The following ITGA4 variants were observed in gnomAD, a reference collection of about 807,000 sequenced individuals.
ITGA4 encodes the protein integrin alpha-4.
In ITGA4, 63 loss-of-function variants were observed where a neutral mutation model predicts 133.6. The observed-to-expected ratio is 0.47, with a 90% CI of 0.38 to 0.58. The LOEUF (loss-of-function observed/expected upper bound fraction) is 0.58, where lower values mean the gene tolerates loss of function less well. ITGA4 is among the 20% of genes least tolerant of loss of function. The pLI, the probability that ITGA4 is intolerant of heterozygous loss-of-function variation, is 0.00. For synonymous variants in ITGA4, 483 were observed against 438.0 expected (o/e 1.10, Z -1.28); for missense variants, 1,076 against 1,252.7 (o/e 0.86, Z 2.13).
intron 1 of ITGA4, 126 bp from the exon 2 acceptor site, chr2:181,458,070 C>T: frequency 6.1e-6 from 8 of 1,315,364 alleles, no homozygotes; most frequent in Non-Finnish European, 8.5e-6. Context: ...AGCTTCGAGT[C>T]GGGGGTGGTG....
intron 17 of ITGA4, among the ~76,000 whole-genome samples, chr2:181,513,941 C>T (rs559741232): frequency 6.6e-6 from 1 of 152,248 alleles, no homozygotes; most frequent in South Asian, 2.1e-4. Flanking sequence ...CTGGAAGCTG[C>T]TGCAAAGCAG....
At chr2:181,511,021 C>T (rs1386987781) in intron 16 of ITGA4, among the ~76,000 whole-genome samples, 4 of 151,958 alleles carry the variant, frequency 2.6e-5, no homozygotes, top group Non-Finnish European at 5.9e-5. Context: ...GAGCCTGGCT[C>T]CTTCTGACTT....
At chr2:181,483,402 G>T (rs1685848451) in intron 9 of ITGA4, among the ~76,000 whole-genome samples, 1 of 147,442 alleles carries the variant, frequency 6.8e-6, no homozygotes, top group South Asian at 2.1e-4. Flanking sequence ...GAAAACAAGA[G>T]TGGGCTTGTG....
chr2:181,494,517 A>T (rs1686121106), intron 11 of ITGA4, among the ~76,000 whole-genome samples: 2 of 152,172 alleles, frequency 1.3e-5, no homozygotes, highest in Non-Finnish European at 2.9e-5. Context: ...CGCAAAGTAA[A>T]TTTTTTTAGT....
rs1404906722 is a variant in ITGA4, at chr2:181,537,756, ATTGAT to A, written c.*2230_*2234del. The A allele has an allele frequency of 2.2e-6, 1 of 446,942 alleles. No homozygotes were observed. The highest frequency in any genetic ancestry group is 1.6e-5 in the South Asian group (1 of 62,678). The allele number at this position is 446,942 out of a possible 1,614,324, so 27.7% of individuals were successfully genotyped here. Reference sequence around the variant, plus strand: ...ACACATTGTAAAAAAAAGAATTTGAATTGATATCTAAAAACAGAATTTGAATTGAT... The same window carrying A: ...ACACATTGTAAAAAAAAGAATTTGAAATCTAAAAACAGAATTTGAATTGAT... On this transcript the variant is annotated 3_prime_UTR_variant, in exon 28 of 28. Coordinates refer to ENST00000397033, the MANE Select transcript of ITGA4 (RefSeq NM_000885.6).
At position 181,482,470 on chromosome 2, in the gene ITGA4, C is replaced by T. The variant is rs750716999; in HGVS notation, c.904-44C>T. Reference sequence around the variant, plus strand: ...ATCTCTGTGGGCTTTTGCGAGTAACCCTGCTTTTTTCTCAATGAGTGGATC... The same window carrying T: ...ATCTCTGTGGGCTTTTGCGAGTAACTCTGCTTTTTTCTCAATGAGTGGATC... On this transcript the variant is annotated intron_variant, in intron 8 of 27. Coordinates refer to ENST00000397033, the MANE Select transcript of ITGA4 (RefSeq NM_000885.6). 5.6e-6 allele frequency: 9 copies of T among 1,612,658 alleles called. No homozygotes were observed. The South Asian group carries it at 9.9e-5, about 18-fold the overall frequency.
In ITGA4 at chr2:181,474,049, A is replaced by T. The variant is rs530573281; in HGVS notation, c.320-911A>T. 1.2e-4 allele frequency among the ~76,000 whole-genome samples: 18 copies of T among 152,368 alleles called. No individual in the cohort carries two copies. The South Asian group carries it at 3.5e-3, about 30-fold the overall frequency. On this transcript the variant is annotated intron_variant, in intron 2 of 27. Coordinates refer to ENST00000397033, the MANE Select transcript of ITGA4 (RefSeq NM_000885.6). ...GCCAGGAATTAAGAACAGATGCAAT[A>T]GAATTGTCATATGCCAACTGAAGAG...
chr2:181,515,609 T>C (rs1177135537), intron 17 of ITGA4, among the ~76,000 whole-genome samples: 2 of 152,138 alleles, frequency 1.3e-5, no homozygotes, highest in East Asian at 3.9e-4. Context: ...ATATTTTTTG[T>C]ATCAACTAAG....
At chr2:181,511,011 G>A (rs1369515109) in intron 16 of ITGA4, among the ~76,000 whole-genome samples, 2 of 151,886 alleles carry the variant, frequency 1.3e-5, no homozygotes, top group African/African-American at 2.4e-5. Flanking sequence ...CACACTTAAT[G>A]AGCCTGGCTC....
chr2:181,481,720 G>T (rs1400307833), intron 7 of ITGA4, 37 bp downstream of exon 7: 3 of 1,053,390 alleles, frequency 2.8e-6, no homozygotes, highest in Non-Finnish European at 4.3e-6. Context: ...TCTTCACAAA[G>T]GTTCAAATAT....
At chr2:181,459,377 T>C (rs1418768248) in intron 2 of ITGA4, 17 of 152,244 alleles carry the variant, frequency 1.1e-4, no homozygotes, top group Admixed American at 1.1e-3. Flanking sequence ...ATAAAATTGG[T>C]ACTTCTTTAT....
chr2:181,524,099 GA>G, intron 19 of ITGA4, 71 bp from the exon 20 acceptor site: 1 of 987,716 alleles, frequency 1.0e-6, no homozygotes, highest in African/African-American at 1.7e-5. Context: ...AAACTTTTAA[GA>G]AAAAAATTCA....
At chr2:181,507,206 C>G (rs909692127) in intron 15 of ITGA4, among the ~76,000 whole-genome samples, 1 of 152,132 alleles carries the variant, frequency 6.6e-6, no homozygotes, top group Non-Finnish European at 1.5e-5. Flanking sequence ...CATAGATTTT[C>G]TCCACTTGTT....
chr2:181,460,538 AAT>A (rs1397997566), intron 2 of ITGA4, among the ~76,000 whole-genome samples: 1 of 145,572 alleles, frequency 6.9e-6, no homozygotes, highest in African/African-American at 2.5e-5. Context: ...AGTGTGTGTA[AAT>A]ATATATAAGC....
intron 23 of ITGA4, 114 bp downstream of exon 23, chr2:181,529,762 T>C (rs1686903436): frequency 1.6e-6 from 1 of 615,082 alleles, no homozygotes; most frequent in Non-Finnish European, 2.9e-6. Flanking sequence ...GTTAACTTAC[T>C]TCAGTCACAC....
intron 4 of ITGA4, among the ~76,000 whole-genome samples, chr2:181,477,406 CAACAG>C (rs1685701142): frequency 6.6e-6 from 1 of 152,086 alleles, no homozygotes; most frequent in Non-Finnish European, 1.5e-5. Flanking sequence ...GGGAGATAAT[CAACAG>C]AGTGAAGAGA....
In ITGA4 at chr2:181,511,794, T is replaced by C. The variant is rs774091924; in HGVS notation, c.1922+19T>C. The C allele has an allele frequency of 1.7e-6, 2 of 1,204,028 alleles. No individual in the cohort carries two copies. The highest frequency in any genetic ancestry group is 2.5e-6 in the Non-Finnish European group (2 of 812,876). The allele number at this position is 1,204,028 out of a possible 1,614,324, so 74.6% of individuals were successfully genotyped here. ...TTTTGAAGTAAGTATATGTGGTATA[T>C]AGTCTCTGTTATTCATCGAGAGGGT... On this transcript the variant is annotated intron_variant, in intron 17 of 27. Transcript: ENST00000397033.
chr2:181,537,905 C>G lies in ITGA4; in HGVS notation c.*2378C>G. 2 of 566,830 alleles carry G rather than the reference C, an allele frequency of 3.5e-6. No individual in the cohort carries two copies. Among genetic ancestry groups the G allele is most frequent in the Non-Finnish European group, 6.7e-6 (2 of 298,826 alleles). The allele number at this position is 566,830 out of a possible 1,614,324, so 35.1% of individuals were successfully genotyped here. On this transcript the variant is annotated 3_prime_UTR_variant, in exon 28 of 28. Transcript: ENST00000397033. ...GCAATGGAGCATTACTGAGTTCCTC[C>G]CCCTGTCAGATCAGCAGCAGCATTA...
chr2:181,495,483 T>C lies in ITGA4; in HGVS notation c.1385+67T>C. 1 of 1,177,098 alleles carries C rather than the reference T, an allele frequency of 8.5e-7. No individual in the cohort carries two copies. The highest frequency in any genetic ancestry group is 1.3e-6 in the Non-Finnish European group (1 of 783,372). The allele number at this position is 1,177,098 out of a possible 1,614,324, so 72.9% of individuals were successfully genotyped here. On this transcript the variant is annotated intron_variant, in intron 13 of 27. Coordinates refer to ENST00000397033, the MANE Select transcript of ITGA4 (RefSeq NM_000885.6). This position sits in a 1 kb window ranked among gnomAD's most constrained non-coding sequence, Gnocchi z 4.3. The stretch of plus-strand genomic sequence containing the variant: ...AATTGTAAAATGATGGGAGGTGGTG[T>C]TTAAAATCAGCAGTGGTAGTGACCT...
Sources: allele counts gnomAD v4.1 joint callset (sites outside exome capture counted in the v4.1 genomes callset), GRCh38; gene constraint gnomAD v4.1.1; non-coding constraint Gnocchi (gnomAD v3.1); transcripts MANE v1.5; gene names NCBI Gene and HGNC (gene_info 2026-07-23, HGNC 2026-07-21).